Variants in ZNF771 observed in about 807,000 individuals in gnomAD.
ZNF771 encodes zinc finger protein 771.
A neutral mutation model predicts 27.6 loss-of-function variants in ZNF771; 10 were observed. The ratio of observed to expected loss-of-function variants is 0.36; its 90% CI spans 0.22 to 0.61. The LOEUF is 0.61. ZNF771 is among the 20% of genes least tolerant of loss of function. The pLI is 0.70. For missense variants in ZNF771, 438 were observed against 503.7 expected (o/e 0.87, Z 1.25); for synonymous variants, 261 against 225.2 (o/e 1.16, Z -1.43).
In ZNF771 at chr16:30,417,889, G is replaced by T; in HGVS notation, c.476G>T (p.Ser159Ile). 6.6e-7 allele frequency: 1 copy of T among 1,518,106 alleles called. No homozygotes were observed. The highest frequency in any genetic ancestry group is 8.8e-7 in the Non-Finnish European group (1 of 1,142,386). 94.0% of individuals were successfully genotyped at this position (1,518,106 alleles called of 1,614,324 possible). The change falls in exon 3 of 3, where the codon AGC becomes ATC. Residue 159 changes from serine to isoleucine, a missense_variant. By Grantham distance (142) the Ser-to-Ile change is moderately radical. Coordinates refer to ENST00000319296, the MANE Select transcript of ZNF771 (RefSeq NM_001142305.2). ...CAHCGRRFAQ[S>I]SNYAQHLRVH... is the part of the protein sequence containing the mutation. Reference sequence around the variant, plus strand: ...CACTGCGGCCGCCGCTTCGCGCAGAGCTCCAACTACGCACAGCACCTGCGC... The same window carrying T: ...CACTGCGGCCGCCGCTTCGCGCAGATCTCCAACTACGCACAGCACCTGCGC...
Position 30,418,387 on chromosome 16 carries a change from G to T in ZNF771, c.*20G>T. 1 of 1,364,276 alleles carries T rather than the reference G, an allele frequency of 7.3e-7. No individual in the cohort carries two copies. Among genetic ancestry groups the T allele is most frequent in the Non-Finnish European group, 9.4e-7 (1 of 1,063,102 alleles). The allele number at this position is 1,364,276 out of a possible 1,614,324, so 84.5% of individuals were successfully genotyped here. On this transcript the variant is annotated 3_prime_UTR_variant, in exon 3 of 3. Coordinates refer to ENST00000319296, the MANE Select transcript of ZNF771 (RefSeq NM_001142305.2). The stretch of plus-strand genomic sequence containing the variant: ...AGCTGAGTCCCGCAGGGCTGCGGAG[G>T]GGCGCGCTGGGGCTTCGACCTGGCT...
At chr16:30,414,473 C>T (rs910317032) in intron 2 of ZNF771, 2 of 152,130 alleles carry the variant, frequency 1.3e-5, no homozygotes, top group Non-Finnish European at 2.9e-5. Flanking sequence ...GCTTTCTCAG[C>T]TATCAAAAGA....
rs1443598216 is a variant in ZNF771, at chr16:30,413,710, C to T, written c.142-3845C>T. The T allele has an allele frequency of 2.5e-5, 7 of 276,354 alleles. No individual in the cohort carries two copies. The East Asian group carries it at 6.1e-4, about 24-fold the overall frequency. 17.1% of individuals were successfully genotyped at this position (276,354 alleles called of 1,614,324 possible). A position where few individuals can be genotyped will look rare whatever the true frequency, so the allele number is the denominator to read the frequency against. On this transcript the variant is annotated intron_variant, in intron 2 of 2. Coordinates refer to ENST00000319296, the MANE Select transcript of ZNF771 (RefSeq NM_001142305.2). ...TCGGCCTACCAAGTTGTTGGGACTACAAGTGCACCCCACCACACCTGGCTA... is the reference window on the plus strand; with the variant it reads ...TCGGCCTACCAAGTTGTTGGGACTATAAGTGCACCCCACCACACCTGGCTA...
At position 30,417,754 on chromosome 16, in the gene ZNF771, C is replaced by T. The variant is rs2050142174; in HGVS notation, c.341C>T (p.Thr114Met). Residue 114 changes from threonine to methionine, a missense_variant, in exon 3 of 3, where the codon ACG becomes ATG. By Grantham distance (81) the Thr-to-Met change is moderately conservative (BLOSUM62 -1). Coordinates refer to ENST00000319296, the MANE Select transcript of ZNF771 (RefSeq NM_001142305.2). ...CTGACCAAACACGGCCGCACGCACA[C>T]GGGCGAGCGGCCCTACGAGTGCCCC... ...SALTKHGRTH[T>M]GERPYECPEC... is the part of the protein sequence containing the mutation. The T allele has an allele frequency of 2.1e-6, 3 of 1,423,048 alleles. No individual in the cohort carries two copies. The highest frequency in any genetic ancestry group is 6.0e-5 in the East Asian group (2 of 33,414). 88.2% of individuals were successfully genotyped at this position (1,423,048 alleles called of 1,614,324 possible).
At position 30,417,466 on chromosome 16, in the gene ZNF771, AG is replaced by A; in HGVS notation, c.142-87del. ...TTCCTATTTCATAGATGGGGAACTG[AG>A]GCTCACAGAGGGAGCAGCCTGTGGA... On this transcript the variant is annotated intron_variant, in intron 2 of 2. Coordinates refer to ENST00000319296, the MANE Select transcript of ZNF771 (RefSeq NM_001142305.2). 3.4e-6 allele frequency: 3 copies of A among 892,128 alleles called. No individual in the cohort carries two copies. The South Asian group carries it at 1.7e-4, about 51-fold the overall frequency. 55.3% of individuals were successfully genotyped at this position (892,128 alleles called of 1,614,324 possible). A position where few individuals can be genotyped will look rare whatever the true frequency, so the allele number is the denominator to read the frequency against.
chr16:30,409,366 G>C (rs768304694), intron 2 of ZNF771, among the ~76,000 whole-genome samples: 1 of 152,140 alleles, frequency 6.6e-6, no homozygotes, highest in Non-Finnish European at 1.5e-5. Flanking sequence ...GTGGATGAGT[G>C]GGGGTGGTTG....
At chr16:30,416,323 C>A (rs567225074) in intron 2 of ZNF771, among the ~76,000 whole-genome samples, 8 of 152,136 alleles carry the variant, frequency 5.3e-5, no homozygotes, top group Non-Finnish European at 1.2e-4. Flanking sequence ...CTAGGCCTCG[C>A]TTCTGAGCTC....
chr16:30,412,887 A>G (rs2050112861), intron 2 of ZNF771, among the ~76,000 whole-genome samples: 2 of 152,158 alleles, frequency 1.3e-5, no homozygotes, highest in African/African-American at 4.8e-5. Flanking sequence ...TGGCTCTGCC[A>G]TTTATTAGCT....
At position 30,418,713 on chromosome 16, in the gene ZNF771, C is replaced by A. The variant is rs1160720809; in HGVS notation, c.*346C>A. 3 of 277,448 alleles carry A rather than the reference C, an allele frequency of 1.1e-5. No individual in the cohort carries two copies. Among genetic ancestry groups the A allele is most frequent in the Non-Finnish European group, 2.0e-5 (3 of 149,778 alleles). The allele number at this position is 277,448 out of a possible 1,614,324, so 17.2% of individuals were successfully genotyped here. A position where few individuals can be genotyped will look rare whatever the true frequency, so the allele number is the denominator to read the frequency against. ...TGGGGATGTAAACCTAAAAGGGGTTCCCGGCACCTCGGTTTGTGTTGGTTG... is the reference window on the plus strand; with the variant it reads ...TGGGGATGTAAACCTAAAAGGGGTTACCGGCACCTCGGTTTGTGTTGGTTG... On this transcript the variant is annotated 3_prime_UTR_variant, in exon 3 of 3. Coordinates refer to ENST00000319296, the MANE Select transcript of ZNF771 (RefSeq NM_001142305.2).
chr16:30,418,040 C>T lies in ZNF771; in HGVS notation c.627C>T (p.Gly209=), dbSNP rs1028738398. ...GGCCCTACGCTTGCGCCGACTGCGG[C>T]ACGCGCTTCGCTCAGAGCTCGGCGC... ...GERPYACADC[G]TRFAQSSALA... The change falls in exon 3 of 3, where the codon GGC becomes GGT. Residue 209 remains glycine, a synonymous_variant. Coordinates refer to ENST00000319296, the MANE Select transcript of ZNF771 (RefSeq NM_001142305.2). 6.9e-7 allele frequency: 1 copy of T among 1,447,672 alleles called. No homozygotes were observed. Among genetic ancestry groups the T allele is most frequent in the Non-Finnish European group, 9.0e-7 (1 of 1,110,298 alleles). The allele number at this position is 1,447,672 out of a possible 1,614,324, so 89.7% of individuals were successfully genotyped here.
intron 2 of ZNF771, 73 bp from the exon 3 acceptor site, chr16:30,417,482 C>A: frequency 9.7e-7 from 1 of 1,033,386 alleles, no homozygotes; most frequent in Non-Finnish European, 1.2e-6. Context: ...ACAGAGGGAG[C>A]AGCCTGTGGA....
chr16:30,417,629 C>T lies in ZNF771; in HGVS notation c.216C>T (p.Phe72=), dbSNP rs761336496. Residue 72 remains phenylalanine, a synonymous_variant, in exon 3 of 3, where the codon TTC becomes TTT. Transcript: ENST00000319296. ...PHACPDCGRA[F]ARRSTLAKHA... is the part of the protein sequence containing the mutation. The stretch of plus-strand genomic sequence containing the variant: ...CGTGCCCCGACTGCGGCCGCGCCTT[C>T]GCGCGCCGCTCCACGCTGGCGAAGC... 4 of 1,327,424 alleles carry T rather than the reference C, an allele frequency of 3.0e-6. No homozygotes were observed. The highest frequency in any genetic ancestry group is 2.0e-5 in the South Asian group (1 of 50,340). 82.2% of individuals were successfully genotyped at this position (1,327,424 alleles called of 1,614,324 possible). A position where few individuals can be genotyped will look rare whatever the true frequency, so the allele number is the denominator to read the frequency against.
At chr16:30,416,442 A>G (rs1456359750) in intron 2 of ZNF771, among the ~76,000 whole-genome samples, 1 of 152,142 alleles carries the variant, frequency 6.6e-6, no homozygotes, top group Non-Finnish European at 1.5e-5. Context: ...TGCAGTTGCT[A>G]AGCTCAAAAA....
intron 2 of ZNF771, among the ~76,000 whole-genome samples, chr16:30,416,600 GC>G (rs1467066356): frequency 6.6e-6 from 1 of 152,072 alleles, no homozygotes; most frequent in African/African-American, 2.4e-5. Context: ...CTGGGTATGA[GC>G]CACTATCTTC....
intron 2 of ZNF771, among the ~76,000 whole-genome samples, chr16:30,410,919 C>T (rs1008956421): frequency 6.7e-6 from 1 of 150,116 alleles, no homozygotes; most frequent in African/African-American, 2.5e-5. Flanking sequence ...TGCCTGTAGT[C>T]CTAGCTACTC....
intron 1 of ZNF771, 46 bp from the exon 2 acceptor site, chr16:30,407,987 CGGGGGGGGGGGT>C (rs1198729500): frequency 2.6e-5 from 19 of 719,846 alleles, no homozygotes; most frequent in East Asian, 1.0e-4. Context: ...CCACGGTGGG[CGGGGGGGGGGGT>C]GGGGGGGGGC....
At position 30,417,542 on chromosome 16, in the gene ZNF771, C is replaced by T. The variant is rs2050140516; in HGVS notation, c.142-13C>T. 8.2e-7 allele frequency: 1 copy of T among 1,216,192 alleles called. No individual in the cohort carries two copies. The highest frequency in any genetic ancestry group is 1.0e-6 in the Non-Finnish European group (1 of 979,078). The allele number at this position is 1,216,192 out of a possible 1,614,324, so 75.3% of individuals were successfully genotyped here. On this transcript the variant is annotated splice_polypyrimidine_tract_variant and intron_variant, in intron 2 of 2. Transcript: ENST00000319296. ...CTGCCGCTAAGGGCTGACCTATCCCCCTCTCCCCGCAGGTCCCGGGCGAGG... is the reference window on the plus strand; with the variant it reads ...CTGCCGCTAAGGGCTGACCTATCCCTCTCTCCCCGCAGGTCCCGGGCGAGG...
rs775195470 is a variant in ZNF771 at position 30,417,725 on chromosome 16, G to A, written c.312G>A (p.Ser104=). The change falls in exon 3 of 3, where the codon TCG becomes TCA. Residue 104 remains serine (S), a synonymous_variant. Coordinates refer to ENST00000319296, the MANE Select transcript of ZNF771 (RefSeq NM_001142305.2). ...TECGRRFSQK[S]ALTKHGRTHT... ...GCGGGCGGCGCTTCTCACAGAAGTC[G>A]GCGCTGACCAAACACGGCCGCACGC... The A allele has an allele frequency of 2.5e-5, 35 of 1,399,078 alleles. 1 individual carries two copies. In the South Asian group the frequency reaches 3.5e-4, roughly 14 times the overall value. 86.7% of individuals were successfully genotyped at this position (1,399,078 alleles called of 1,614,324 possible).
rs1373121723 is a variant in ZNF771, at chr16:30,418,263, C to T, written c.850C>T (p.Arg284Cys). The T allele has an allele frequency of 1.3e-6, 2 of 1,511,708 alleles. No individual in the cohort carries two copies. Among genetic ancestry groups the T allele is most frequent in the Non-Finnish European group, 1.8e-6 (2 of 1,136,902 alleles). The allele number at this position is 1,511,708 out of a possible 1,614,324, so 93.6% of individuals were successfully genotyped here. A position where few individuals can be genotyped will look rare whatever the true frequency, so the allele number is the denominator to read the frequency against. The change falls in exon 3 of 3, where the codon CGC becomes TGC. Residue 284 changes from arginine (R) to cysteine (C), a missense_variant. Physicochemically the swap from Arg to Cys is radical, Grantham distance 180. This residue lies in a region of ZNF771 where 305 missense variants were observed against 308.0 expected (regional missense o/e 0.99). Transcript: ENST00000319296. Reference protein sequence around the residue: ...FIRHRRAHMRRRLYICAGCGR... With the variant: ...FIRHRRAHMRCRLYICAGCGR... The stretch of plus-strand genomic sequence containing the variant: ...TCGCCACCGACGCGCGCACATGCGG[C>T]GCCGCCTGTATATTTGCGCCGGCTG...
Sources: gnomAD v4.1 joint callset for allele counts (sites outside exome capture counted in the v4.1 genomes callset) on GRCh38, gnomAD v4.1.1 for gene constraint, gnomAD v4.1.1 regional missense constraint, MANE v1.5 for transcripts, NCBI Gene and HGNC (gene_info 2026-07-23, HGNC 2026-07-21) for gene names.